NAALADL2: variants seen among roughly 807,000 people sequenced by gnomAD.
NAALADL2 encodes inactive N-acetylated-alpha-linked acidic dipeptidase-like protein 2.
Under a neutral mutation model 87.2 loss-of-function variants are expected in NAALADL2, and 76 were observed. That is an observed-to-expected ratio of 0.87 (90% CI 0.72 to 1.05). The LOEUF is 1.05. Ranked by LOEUF, NAALADL2 falls within the 50% of genes least tolerant of loss-of-function variation. The pLI is 0.00. For synonymous variants in NAALADL2, 354 were observed against 331.0 expected (o/e 1.07, Z -0.75); for missense variants, 1,089 against 945.8 (o/e 1.15, Z -1.99).
At chr3:174,611,726 G>A (rs1430156635) in intron 2 of NAALADL2, among the ~76,000 whole-genome samples, 3 of 151,874 alleles carry the variant, frequency 2.0e-5, no homozygotes, top group Non-Finnish European at 4.4e-5. Context: ...GACTAGCTGG[G>A]ATTACAGGTG....
chr3:175,730,409 T>TATATATATATATATATATAG, intron 11 of NAALADL2, among the ~76,000 whole-genome samples: 1 of 81,080 alleles, frequency 1.2e-5, no homozygotes, highest in African/African-American at 5.9e-5. Context: ...TATATATATA[T>TATATATATATATATATATAG]ATATATATAT....
chr3:174,937,601 C>T (rs1422183339), intron 1 of NAALADL2, among the ~76,000 whole-genome samples: 5 of 151,992 alleles, frequency 3.3e-5, no homozygotes, highest in Admixed American at 2.6e-4. Flanking sequence ...TATTTGTTAG[C>T]TGGAATAAAG....
intron 5 of NAALADL2, among the ~76,000 whole-genome samples, chr3:175,334,391 AC>A (rs1761763497): frequency 6.6e-6 from 1 of 152,006 alleles, no homozygotes; most frequent in Non-Finnish European, 1.5e-5. Context: ...AACTCCCCTC[AC>A]CAACAGTGAG....
At chr3:175,144,194 CTG>C (rs1730431536) in intron 2 of NAALADL2, among the ~76,000 whole-genome samples, 1 of 151,816 alleles carries the variant, frequency 6.6e-6, no homozygotes, top group Non-Finnish European at 1.5e-5. Context: ...AGTCAGCATG[CTG>C]CAATATTATA....
chr3:175,747,493 C>G (rs891515173), intron 12 of NAALADL2, among the ~76,000 whole-genome samples: 2 of 152,090 alleles, frequency 1.3e-5, no homozygotes, highest in Non-Finnish European at 2.9e-5. Context: ...CAGAATAGTA[C>G]CATAACCCAT....
chr3:174,959,436 T>C (rs563412989), intron 1 of NAALADL2, among the ~76,000 whole-genome samples: 1 of 152,126 alleles, frequency 6.6e-6, no homozygotes, highest in African/African-American at 2.4e-5. Context: ...AACATACAAT[T>C]GGTGATTGTT....
intron 11 of NAALADL2, among the ~76,000 whole-genome samples, chr3:175,698,515 C>A: frequency 8.8e-6 from 1 of 114,058 alleles, no homozygotes; most frequent in Non-Finnish European, 1.8e-5. Context: ...AATCTCCAAG[C>A]AAATTCCTAT....
At chr3:175,402,743 C>T (rs904370421) in intron 5 of NAALADL2, among the ~76,000 whole-genome samples, 1 of 151,916 alleles carries the variant, frequency 6.6e-6, no homozygotes, top group Non-Finnish European at 1.5e-5. Context: ...TTCTGGGAAA[C>T]CCTTTGTAAT....
chr3:174,781,333 T>C (rs1338941773), intron 3 of NAALADL2, among the ~76,000 whole-genome samples: 1 of 151,888 alleles, frequency 6.6e-6, no homozygotes, highest in Non-Finnish European at 1.5e-5. Flanking sequence ...CCTGTCTTGC[T>C]AGATGGGGGA....
intron 11 of NAALADL2, among the ~76,000 whole-genome samples, chr3:175,682,893 TA>T (rs1322075653): frequency 1.3e-5 from 2 of 152,056 alleles, no homozygotes; most frequent in Non-Finnish European, 2.9e-5. Context: ...CTATCTGACA[TA>T]ACTGTATAAA....
At chr3:175,626,714 G>A (rs1560874145) in intron 10 of NAALADL2, among the ~76,000 whole-genome samples, 1 of 151,708 alleles carries the variant, frequency 6.6e-6, no homozygotes, top group Non-Finnish European at 1.5e-5. Flanking sequence ...ATACTTTTCT[G>A]ACAATTCCAT....
At chr3:175,649,512 A>G (rs972019539) in intron 11 of NAALADL2, among the ~76,000 whole-genome samples, 2 of 152,052 alleles carry the variant, frequency 1.3e-5, no homozygotes, top group Non-Finnish European at 1.5e-5. Context: ...TAGTTTTCTC[A>G]TAGTTCTGGA....
intron 1 of NAALADL2, among the ~76,000 whole-genome samples, chr3:175,019,445 T>C (rs1751284381): frequency 6.6e-6 from 1 of 152,118 alleles, no homozygotes; most frequent in African/African-American, 2.4e-5. Context: ...AAAGTAATTT[T>C]GTTTTCATTG....
chr3:175,052,687 C>T (rs201808165), intron 1 of NAALADL2, among the ~76,000 whole-genome samples: 17,166 of 152,028 alleles, frequency 0.11, 1,192 homozygotes, highest in East Asian at 0.25. Context: ...TAATATTTTG[C>T]AATATCCAAA....
At chr3:175,774,879 T>C (rs1054186051) in intron 13 of NAALADL2, 9 of 152,210 alleles carry the variant, frequency 5.9e-5, no homozygotes, top group African/African-American at 1.9e-4. Flanking sequence ...AATGACTTCA[T>C]TGATTTCTTT....
At chr3:174,882,807 A>ATACACACG (rs1729549720) in intron 1 of NAALADL2, among the ~76,000 whole-genome samples, 4 of 103,544 alleles carry the variant, frequency 3.9e-5, no homozygotes, top group African/African-American at 1.6e-4. Context: ...ACGTGTGTAT[A>ATACACACG]TGTGCATATG....
At chr3:174,873,112 A>C (rs1728045783) in intron 1 of NAALADL2, among the ~76,000 whole-genome samples, 1 of 152,132 alleles carries the variant, frequency 6.6e-6, no homozygotes, top group East Asian at 1.9e-4. Flanking sequence ...TAATTCCCTA[A>C]TAGTGGCTCT....
At position 175,534,526 on chromosome 3, in the gene NAALADL2, TA is replaced by T. The variant is rs551978912; in HGVS notation, c.1654-41511del. Among the ~76,000 whole-genome samples the T allele has an allele frequency of 2.0e-5, 3 of 152,138 alleles. No individual in the cohort carries two copies. In the South Asian group the frequency reaches 6.2e-4, roughly 32 times the overall value. The stretch of plus-strand genomic sequence containing the variant: ...TCTGAGCCAAATGATGCTGGTGACG[TA>T]AAATAAAAAGGAGCACACAATCAGT... On this transcript the variant is annotated intron_variant, in intron 9 of 13. Coordinates refer to ENST00000454872, the MANE Select transcript of NAALADL2 (RefSeq NM_207015.3).
intron 5 of NAALADL2, among the ~76,000 whole-genome samples, chr3:175,393,570 T>C (rs997282447): frequency 9.2e-5 from 14 of 152,076 alleles, no homozygotes; most frequent in African/African-American, 3.4e-4. Context: ...TAACATGCGG[T>C]GAATCTATTT....
Sources: gnomAD v4.1 joint callset for allele counts (sites outside exome capture counted in the v4.1 genomes callset) on GRCh38, gnomAD v4.1.1 for gene constraint, MANE v1.5 for transcripts, NCBI Gene and HGNC (gene_info 2026-07-23, HGNC 2026-07-21) for gene names.